MGA: variants seen among roughly 807,000 people sequenced by gnomAD.
The protein encoded by MGA is MAX gene-associated protein.
MGA carries 40 observed loss-of-function variants against 261.1 expected under a neutral mutation model. That is an observed-to-expected ratio of 0.15 (90% CI 0.12 to 0.20). The LOEUF is 0.20. Ranked by LOEUF, MGA falls within the 10% of genes least tolerant of loss-of-function variation. MGA has a pLI of 1.00. For missense variants in MGA, 3,397 were observed against 3,630.5 expected (o/e 0.94, Z 1.65); for synonymous variants, 1,302 against 1,290.6 (o/e 1.01, Z -0.19).
At chr15:41,661,709 G>A (rs1418503112) in intron 1 of MGA, among the ~76,000 whole-genome samples, 1 of 152,166 alleles carries the variant, frequency 6.6e-6, no homozygotes, top group Non-Finnish European at 1.5e-5. Context: ...AGGCTTATGC[G>A]GCTGAGTCCC....
At chr15:41,707,103 A>G (rs1011983632) in intron 5 of MGA, among the ~76,000 whole-genome samples, 4 of 152,338 alleles carry the variant, frequency 2.6e-5, no homozygotes, top group Non-Finnish European at 5.9e-5. Flanking sequence ...CAGTCTCTGG[A>G]CCACAAAGAG....
Position 41,765,997 on chromosome 15 carries a change from T to G in MGA, c.7922-7T>G. Reference sequence around the variant, plus strand: ...GAATTTTTCTTTTTTTAATTTTTGTTTTTCAGAAAATGACGACTTATTTAT... The same window carrying G: ...GAATTTTTCTTTTTTTAATTTTTGTGTTTCAGAAAATGACGACTTATTTAT... On this transcript the variant is annotated splice_polypyrimidine_tract_variant and splice_region_variant and intron_variant, in intron 23 of 23. Transcript: ENST00000219905. 1 of 1,595,096 alleles carries G rather than the reference T, an allele frequency of 6.3e-7. No homozygotes were observed. The highest frequency in any genetic ancestry group is 1.4e-5 in the African/African-American group (1 of 73,792).
chr15:41,724,387 A>G (rs1008768295), intron 9 of MGA, among the ~76,000 whole-genome samples: 4 of 152,138 alleles, frequency 2.6e-5, no homozygotes, highest in African/African-American at 9.7e-5. Flanking sequence ...CTTCCCCCCA[A>G]AAGCTACCTG....
chr15:41,646,184 A>C (rs2056929618), intron 1 of MGA, among the ~76,000 whole-genome samples: 1 of 152,206 alleles, frequency 6.6e-6, no homozygotes, highest in African/African-American at 2.4e-5. Context: ...GATGTGATTT[A>C]GTTAACTAAC....
At chr15:41,689,056 A>G (rs1471699102) in intron 2 of MGA, among the ~76,000 whole-genome samples, 1 of 152,132 alleles carries the variant, frequency 6.6e-6, no homozygotes, top group Non-Finnish European at 1.5e-5. Flanking sequence ...GGGCTTCCAC[A>G]TACAAATTTG....
intron 2 of MGA, among the ~76,000 whole-genome samples, chr15:41,690,473 G>A (rs1236272093): frequency 6.6e-6 from 1 of 152,140 alleles, no homozygotes; most frequent in Non-Finnish European, 1.5e-5. Context: ...TGGCACCTTG[G>A]CAATTGAATC....
At chr15:41,646,245 C>T (rs1018281736) in intron 1 of MGA, among the ~76,000 whole-genome samples, 3 of 152,102 alleles carry the variant, frequency 2.0e-5, no homozygotes, top group Non-Finnish European at 4.4e-5. Context: ...TATTCAGAAG[C>T]TTACTTTCGT....
chr15:41,692,942 C>G (rs537606707), intron 2 of MGA, among the ~76,000 whole-genome samples: 11 of 152,224 alleles, frequency 7.2e-5, no homozygotes, highest in African/African-American at 2.6e-4. Context: ...AGGTAGTCCA[C>G]CTGCATCAGC....
chr15:41,671,357 C>T (rs550843965), intron 2 of MGA, among the ~76,000 whole-genome samples: 3 of 152,078 alleles, frequency 2.0e-5, no homozygotes, highest in African/African-American at 4.8e-5. Context: ...GAAGTCTCAC[C>T]CTGTCGCCCG....
At chr15:41,761,940 A>G in intron 21 of MGA, 90 bp downstream of exon 21, 1 of 1,136,940 alleles carries the variant, frequency 8.8e-7, no homozygotes, top group South Asian at 1.6e-5. Flanking sequence ...ACTTAATTGA[A>G]AGCTTGGCTC....
rs183099453 is a variant in MGA at position 41,630,139 on chromosome 15, G to A, written c.-68+8841G>A. Among the ~76,000 whole-genome samples, 9 of 151,874 alleles carry A rather than the reference G, an allele frequency of 5.9e-5. No individual in the cohort carries two copies. In the East Asian group the frequency reaches 9.7e-4, roughly 16 times the overall value. On this transcript the variant is annotated intron_variant, in intron 1 of 8. Coordinates refer to the MGA transcript ENST00000566718. ...TTTTCTCCTCTTTATCACACCTACCGTGCCCAATGTGCTTGGCTCTTTTAT... is the reference window on the plus strand; with the variant it reads ...TTTTCTCCTCTTTATCACACCTACCATGCCCAATGTGCTTGGCTCTTTTAT...
chr15:41,761,154 G>C (rs531123604), intron 20 of MGA, among the ~76,000 whole-genome samples: 1 of 152,182 alleles, frequency 6.6e-6, no homozygotes, highest in African/African-American at 2.4e-5. Context: ...CCACATTCTC[G>C]TTACATTGGT....
At chr15:41,628,279 A>T (rs2056504799) in intron 1 of MGA, among the ~76,000 whole-genome samples, 1 of 149,104 alleles carries the variant, frequency 6.7e-6, no homozygotes, top group Admixed American at 6.7e-5. Flanking sequence ...AGCCTGAGGC[A>T]TGAGAATATC....
At chr15:41,642,455 G>GC (rs2056841460) in intron 1 of MGA, among the ~76,000 whole-genome samples, 1 of 151,056 alleles carries the variant, frequency 6.6e-6, no homozygotes, top group African/African-American at 2.4e-5. Flanking sequence ...GATTACAGGT[G>GC]CCCGCCACTA....
chr15:41,758,370 T>C (rs2063262232), intron 19 of MGA, among the ~76,000 whole-genome samples: 1 of 152,136 alleles, frequency 6.6e-6, no homozygotes, highest in African/African-American at 2.4e-5. Context: ...TGTTTTTCTA[T>C]CTTAATTTAA....
chr15:41,691,259 G>A (rs766384238), intron 2 of MGA, among the ~76,000 whole-genome samples: 16 of 151,904 alleles, frequency 1.1e-4, no homozygotes, highest in Non-Finnish European at 1.8e-4. Context: ...AACTTCTTTT[G>A]TTAAATTTAT....
Position 41,745,306 on chromosome 15 carries a change from AAG to A in MGA, c.5212+2138_5212+2139del, listed in dbSNP as rs1555432912. On this transcript the variant is annotated intron_variant, in intron 15 of 23. Coordinates refer to ENST00000219905, the MANE Select transcript of MGA (RefSeq NM_001164273.2). ...TAAAAAAAAAAAAAAAAAAAAAAAA[AAG>A]AGACAGCATTAATTGGAAACCAGCA... Among the ~76,000 whole-genome samples, 9 of 136,906 alleles carry A rather than the reference AAG, an allele frequency of 6.6e-5. No individual in the cohort carries two copies. In the East Asian group the frequency reaches 1.8e-3, roughly 27 times the overall value. The allele number at this position is 136,906 out of a possible 152,430, so 89.8% of individuals were successfully genotyped here.
rs555820002 is a variant in MGA at position 41,743,490 on chromosome 15, C to T, written c.5212+318C>T. On this transcript the variant is annotated intron_variant, in intron 15 of 23. Coordinates refer to ENST00000219905, the MANE Select transcript of MGA (RefSeq NM_001164273.2). Reference sequence around the variant, plus strand: ...GATAGTTTAGTGGAGCTGGAGATTGCGACTCAAAATACTAAAAAACATTAC... The same window carrying T: ...GATAGTTTAGTGGAGCTGGAGATTGTGACTCAAAATACTAAAAAACATTAC... Among the ~76,000 whole-genome samples, 6 of 152,216 alleles carry T rather than the reference C, an allele frequency of 3.9e-5. No individual in the cohort carries two copies. The East Asian group carries it at 7.7e-4, about 20-fold the overall frequency.
chr15:41,637,085 T>G (rs2056725568), intron 1 of MGA, among the ~76,000 whole-genome samples: 1 of 152,124 alleles, frequency 6.6e-6, no homozygotes, highest in Non-Finnish European at 1.5e-5. Flanking sequence ...GAGAAAATAC[T>G]TGAAGGAGGA....
Sources: allele counts gnomAD v4.1 joint callset (sites outside exome capture counted in the v4.1 genomes callset), GRCh38; gene constraint gnomAD v4.1.1; transcripts MANE v1.5; gene names NCBI Gene and HGNC (gene_info 2026-07-23, HGNC 2026-07-21).